SPON1: variants seen among roughly 807,000 people sequenced by gnomAD.
The protein encoded by SPON1 is spondin-1.
In SPON1, 52 loss-of-function variants were observed where a neutral mutation model predicts 111.7. That is an observed-to-expected ratio of 0.47 (90% CI 0.37 to 0.59). SPON1 has a LOEUF of 0.59. Among genes scored for constraint, SPON1 ranks in the 20% least tolerant of loss-of-function variants. The pLI is 0.00. For synonymous variants in SPON1, 410 were observed against 395.8 expected (o/e 1.04, Z -0.43); for missense variants, 957 against 1,068.5 (o/e 0.90, Z 1.46).
chr11:14,023,019 G>C (rs1848492056), intron 2 of SPON1, among the ~76,000 whole-genome samples: 1 of 152,152 alleles, frequency 6.6e-6, no homozygotes, highest in Non-Finnish European at 1.5e-5. Flanking sequence ...CATGTAGGAT[G>C]ACGACAGCCA....
intron 2 of SPON1, among the ~76,000 whole-genome samples, chr11:14,040,616 A>T (rs1257325503): frequency 6.6e-6 from 1 of 152,224 alleles, no homozygotes; most frequent in Non-Finnish European, 1.5e-5. Flanking sequence ...AGGAATTTTT[A>T]AAAGTAAAAT....
chr11:14,152,848 A>C (rs1197563751), intron 6 of SPON1, among the ~76,000 whole-genome samples: 2 of 152,172 alleles, frequency 1.3e-5, no homozygotes, highest in Non-Finnish European at 2.9e-5. Context: ...GGATCTTTTG[A>C]GATGGGGGTT....
At chr11:14,153,898 T>G (rs1270097531) in intron 6 of SPON1, among the ~76,000 whole-genome samples, 1 of 152,198 alleles carries the variant, frequency 6.6e-6, no homozygotes, top group Non-Finnish European at 1.5e-5. Flanking sequence ...ATAAAGGGGT[T>G]ACAGGCGCTA....
chr11:14,032,434 G>A (rs1331841816), intron 2 of SPON1, among the ~76,000 whole-genome samples: 1 of 152,154 alleles, frequency 6.6e-6, no homozygotes, highest in Admixed American at 6.5e-5. Context: ...CCAGCCTGTG[G>A]TGTTAATGCT....
intron 6 of SPON1, among the ~76,000 whole-genome samples, chr11:14,215,709 A>T (rs1422333131): frequency 6.6e-6 from 1 of 152,232 alleles, no homozygotes; most frequent in South Asian, 2.1e-4. Context: ...CATGTAGGTT[A>T]TAAGTTAAGC....
intron 6 of SPON1, among the ~76,000 whole-genome samples, chr11:14,196,026 A>G (rs1389574795): frequency 6.6e-6 from 1 of 152,140 alleles, no homozygotes; most frequent in African/African-American, 2.4e-5. Context: ...GCTATCCACC[A>G]TTTGCCTCAT....
rs376372730 is a variant in SPON1 at position 14,267,843 on chromosome 11, AAG to A, written c.*2161_*2162del. The A allele has an allele frequency of 7.9e-5, 12 of 152,330 alleles. No homozygotes were observed. In the East Asian group the frequency reaches 1.7e-3, roughly 22 times the overall value. 9.4% of individuals were successfully genotyped at this position (152,330 alleles called of 1,614,324 possible). The stretch of plus-strand genomic sequence containing the variant: ...GTTTGGACTTCCACTTGAGACAGTA[AAG>A]AGAGTATTAGACACCCAGTAAAAAC... On this transcript the variant is annotated 3_prime_UTR_variant, in exon 16 of 16. Transcript: ENST00000576479.
At chr11:14,080,378 G>A (rs978984663) in intron 5 of SPON1, among the ~76,000 whole-genome samples, 4 of 151,964 alleles carry the variant, frequency 2.6e-5, no homozygotes, top group Non-Finnish European at 5.9e-5. Context: ...ACAGGTATGG[G>A]CCACCATGCC....
intron 6 of SPON1, among the ~76,000 whole-genome samples, chr11:14,238,387 T>G (rs1016414299): frequency 4.6e-5 from 7 of 151,966 alleles, no homozygotes; most frequent in African/African-American, 1.5e-4. Context: ...AGTCAAAAAG[T>G]TAGGAAGAAA....
At chr11:14,169,652 A>G (rs1554932221) in intron 6 of SPON1, among the ~76,000 whole-genome samples, 1 of 151,994 alleles carries the variant, frequency 6.6e-6, no homozygotes, top group Non-Finnish European at 1.5e-5. Flanking sequence ...TAAGTCTTTA[A>G]TCCATCTTGA....
rs557940954 is a variant in SPON1 at position 14,001,521 on chromosome 11, T to C, written c.345+18568T>C. Reference sequence around the variant, plus strand: ...CCCTGTCTAGCCTTCCTGTCTCATATAAAGGAAGTAAAAAAAGGCTAAGAA... The same window carrying C: ...CCCTGTCTAGCCTTCCTGTCTCATACAAAGGAAGTAAAAAAAGGCTAAGAA... On this transcript the variant is annotated intron_variant, in intron 2 of 15. Transcript: ENST00000576479. 5.3e-5 allele frequency among the ~76,000 whole-genome samples: 8 copies of C among 152,234 alleles called. No individual in the cohort carries two copies. The South Asian group carries it at 6.2e-4, about 12-fold the overall frequency.
At chr11:14,035,763 G>A (rs573459826) in intron 2 of SPON1, among the ~76,000 whole-genome samples, 2 of 152,116 alleles carry the variant, frequency 1.3e-5, no homozygotes, top group East Asian at 1.9e-4. Flanking sequence ...GACCACAAGT[G>A]TGCACCATCA....
chr11:14,102,824 C>T (rs144606288), intron 5 of SPON1, among the ~76,000 whole-genome samples: 40 of 152,318 alleles, frequency 2.6e-4, no homozygotes, highest in African/African-American at 9.4e-4. Flanking sequence ...TTGTTTAACA[C>T]CTAATTTACA....
intron 6 of SPON1, among the ~76,000 whole-genome samples, chr11:14,192,626 G>A (rs915273466): frequency 1.2e-4 from 18 of 150,488 alleles, no homozygotes; most frequent in African/African-American, 4.2e-4. Flanking sequence ...CCTCCCTCAC[G>A]GTACACCCTC....
intron 3 of SPON1, among the ~76,000 whole-genome samples, chr11:14,069,175 G>A (rs918535943): frequency 2.0e-5 from 3 of 152,058 alleles, no homozygotes; most frequent in African/African-American, 4.8e-5. Context: ...TCGTACCTAG[G>A]AGTCAGTTCC....
At chr11:14,075,273 A>G in intron 3 of SPON1, 72 bp from the exon 4 acceptor site, 3 of 1,154,006 alleles carry the variant, frequency 2.6e-6, no homozygotes, top group Non-Finnish European at 3.8e-6. Context: ...AGCAGGGACT[A>G]TGTCTGACTG....
intron 2 of SPON1, 145 bp downstream of exon 2, chr11:13,983,098 G>A (rs797039337): frequency 1.6e-6 from 1 of 621,014 alleles, no homozygotes; most frequent in Non-Finnish European, 2.9e-6. Context: ...GGTCATCATG[G>A]AGCAAGCAGC....
At chr11:14,202,297 C>T (rs549390530) in intron 6 of SPON1, among the ~76,000 whole-genome samples, 15 of 152,166 alleles carry the variant, frequency 9.9e-5, no homozygotes, top group Admixed American at 8.5e-4. Flanking sequence ...AGACGCAGGA[C>T]GCTATTTGCC....
intron 5 of SPON1, among the ~76,000 whole-genome samples, chr11:14,095,445 T>TAGAC (rs1554923807): frequency 0.06 from 8,781 of 147,474 alleles, 701 homozygotes; most frequent in Non-Finnish European, 0.074. Flanking sequence ...GATAGATAGA[T>TAGAC]AGATAATACA....
Sources: gnomAD v4.1 joint callset for allele counts (sites outside exome capture counted in the v4.1 genomes callset) on GRCh38, gnomAD v4.1.1 for gene constraint, MANE v1.5 for transcripts, NCBI Gene and HGNC (gene_info 2026-07-23, HGNC 2026-07-21) for gene names.